Variants in PDZRN4 observed in about 807,000 individuals in gnomAD.
PDZRN4 encodes the protein PDZ domain-containing RING finger protein 4.
In PDZRN4, 70 loss-of-function variants were observed where a neutral mutation model predicts 99.0. The ratio of observed to expected loss-of-function variants is 0.71; its 90% CI spans 0.58 to 0.86. The LOEUF (loss-of-function observed/expected upper bound fraction) is 0.86, where lower values mean the gene tolerates loss of function less well. PDZRN4 is among the 40% of genes least tolerant of loss of function. PDZRN4 has a pLI of 0.00. For synonymous variants in PDZRN4, 551 were observed against 501.6 expected (o/e 1.10, Z -1.32); for missense variants, 1,474 against 1,331.2 (o/e 1.11, Z -1.67).
intron 3 of PDZRN4, among the ~76,000 whole-genome samples, chr12:41,385,221 G>A (rs761371573): frequency 5.9e-5 from 9 of 152,280 alleles, no homozygotes; most frequent in South Asian, 4.1e-4. Context: ...TTCTGGGGAG[G>A]AGTTGCACAA....
chr12:41,506,811 T>C lies in PDZRN4; in HGVS notation c.1100+99T>C, dbSNP rs555131113. The C allele has an allele frequency of 6.9e-5, 92 of 1,341,280 alleles. 1 individual carries two copies. In the African/African-American group the frequency reaches 1.0e-3, roughly 15 times the overall value. 83.1% of individuals were successfully genotyped at this position (1,341,280 alleles called of 1,614,324 possible). A position where few individuals can be genotyped will look rare whatever the true frequency, so the allele number is the denominator to read the frequency against. On this transcript the variant is annotated intron_variant, in intron 4 of 9. Coordinates refer to ENST00000402685, the MANE Select transcript of PDZRN4 (RefSeq NM_001164595.2). ...AGTTCCACTAGCAGGTTGACAGTTA[T>C]GGAGACAGGCTTCCCAGCTCCGTTT... is the stretch of plus-strand genomic sequence containing the variant.
intron 3 of PDZRN4, among the ~76,000 whole-genome samples, chr12:41,465,144 C>T (rs552234125): frequency 6.6e-6 from 1 of 152,126 alleles, no homozygotes; most frequent in African/African-American, 2.4e-5. Context: ...ACTTTTTATC[C>T]CCTAAGACAG....
intron 3 of PDZRN4, among the ~76,000 whole-genome samples, chr12:41,195,588 A>G (rs1269414082): frequency 6.6e-6 from 1 of 152,152 alleles, no homozygotes; most frequent in Non-Finnish European, 1.5e-5. Flanking sequence ...GAAAAAAAAG[A>G]AGAGTTATCT....
intron 3 of PDZRN4, among the ~76,000 whole-genome samples, chr12:41,310,429 T>C (rs976607523): frequency 2.0e-5 from 3 of 152,180 alleles, no homozygotes; most frequent in Non-Finnish European, 4.4e-5. Flanking sequence ...CCTTTTTTTT[T>C]CACCTTGTGA....
chr12:41,471,829 TGTA>T (rs754399876), intron 3 of PDZRN4, among the ~76,000 whole-genome samples: 81 of 151,868 alleles, frequency 5.3e-4, no homozygotes, highest in Middle Eastern at 3.4e-3. Flanking sequence ...AAAATTTCTT[TGTA>T]GAAGTCAATT....
At chr12:41,519,258 T>G (rs1291077645) in intron 5 of PDZRN4, among the ~76,000 whole-genome samples, 1 of 152,078 alleles carries the variant, frequency 6.6e-6, no homozygotes, top group African/African-American at 2.4e-5. Flanking sequence ...CCTCATCAGC[T>G]GCACAATTCT....
chr12:41,218,148 T>C (rs1263129485), intron 3 of PDZRN4, among the ~76,000 whole-genome samples: 4 of 152,116 alleles, frequency 2.6e-5, no homozygotes, highest in Non-Finnish European at 5.9e-5. Context: ...AAAGCAGTGA[T>C]CTTTCTTTCA....
intron 3 of PDZRN4, among the ~76,000 whole-genome samples, chr12:41,230,579 A>G (rs1415959159): frequency 6.6e-6 from 1 of 152,108 alleles, no homozygotes; most frequent in African/African-American, 2.4e-5. Context: ...TATACATGCA[A>G]TCTGTTAGAA....
At chr12:41,506,377 T>C in intron 3 of PDZRN4, 79 bp from the exon 4 acceptor site, 5 of 1,364,890 alleles carry the variant, frequency 3.7e-6, no homozygotes, top group Non-Finnish European at 5.0e-6. Context: ...GAAACCTTTC[T>C]CTCTGTCTTT....
rs533696414 is a variant in PDZRN4 at position 41,197,920 on chromosome 12, G to GTTTTTTTTTTTTTTTGTTTTT, written c.843+3743_843+3744insTTTTGTTTTTTTTTTTTTTTT. Among the ~76,000 whole-genome samples the GTTTTTTTTTTTTTTTGTTTTT allele has an allele frequency of 5.2e-4, 60 of 115,590 alleles. 3 individuals are homozygous for GTTTTTTTTTTTTTTTGTTTTT. The highest frequency in any genetic ancestry group is 9.0e-4 in the South Asian group (3 of 3,332). 75.8% of individuals were successfully genotyped at this position (115,590 alleles called of 152,430 possible). A position where few individuals can be genotyped will look rare whatever the true frequency, so the allele number is the denominator to read the frequency against. ...TTCTTCTTTTCCTTGTTTTTTCTGGGTTTTTTTTTTTGGAGACAGGATCTT... is the reference window on the plus strand; with the variant it reads ...TTCTTCTTTTCCTTGTTTTTTCTGGGTTTTTTTTTTTTTTTGTTTTTTTTTTTTTTTTGGAGACAGGATCTT... On this transcript the variant is annotated intron_variant, in intron 3 of 9. Transcript: ENST00000402685.
In PDZRN4 at chr12:41,188,780, GC is replaced by G; in HGVS notation, c.328del (p.Arg110AlafsTer118). 1 of 1,385,084 alleles carries G rather than the reference GC, an allele frequency of 7.2e-7. No homozygotes were observed. The highest frequency in any genetic ancestry group is 9.3e-7 in the Non-Finnish European group (1 of 1,077,334). The allele number at this position is 1,385,084 out of a possible 1,614,324, so 85.8% of individuals were successfully genotyped here. A position where few individuals can be genotyped will look rare whatever the true frequency, so the allele number is the denominator to read the frequency against. The stretch of plus-strand genomic sequence containing the variant: ...CGTCGAGCACTGCGACTTCGGCCCT[GC>G]CCGCCGGCTCCGCAGCCGCGGGGGC... The part of the protein sequence containing the change: ...AHVEHCDFGP[A>X]RRLRSRGGCA... On this transcript the variant is annotated frameshift_variant, in exon 1 of 10. Transcript: ENST00000402685. LOFTEE classifies it high-confidence loss of function.
chr12:41,315,258 C>T (rs1417282170), intron 3 of PDZRN4, among the ~76,000 whole-genome samples: 1 of 152,102 alleles, frequency 6.6e-6, no homozygotes, highest in Non-Finnish European at 1.5e-5. Flanking sequence ...CAATGAAAAC[C>T]TCCTCTGCTG....
intron 3 of PDZRN4, among the ~76,000 whole-genome samples, chr12:41,267,046 A>C (rs1316607732): frequency 1.3e-5 from 2 of 152,192 alleles, no homozygotes; most frequent in Admixed American, 1.3e-4. Flanking sequence ...AACTCTGCTC[A>C]TGAAACTCTT....
At chr12:41,433,252 G>C (rs1952599917) in intron 3 of PDZRN4, among the ~76,000 whole-genome samples, 1 of 152,006 alleles carries the variant, frequency 6.6e-6, no homozygotes, top group African/African-American at 2.4e-5. Flanking sequence ...ATCAAATAAA[G>C]ACATGTTCGT....
rs1297475875 is a variant in PDZRN4, at chr12:41,381,715, TAGTC to T, written c.844-124737_844-124734del. The stretch of plus-strand genomic sequence containing the variant: ...TAAAGGGTTTTTCTTGATTCTTTGT[TAGTC>T]AGTTCATACATCTCCATTTCTTTAG... On this transcript the variant is annotated intron_variant, in intron 3 of 9. Transcript: ENST00000402685. Among the ~76,000 whole-genome samples, 4 of 152,316 alleles carry T rather than the reference TAGTC, an allele frequency of 2.6e-5. No homozygotes were observed. In the East Asian group the frequency reaches 7.7e-4, roughly 29 times the overall value.
chr12:41,259,085 C>G (rs529000870), intron 3 of PDZRN4, among the ~76,000 whole-genome samples: 2 of 152,030 alleles, frequency 1.3e-5, no homozygotes, highest in South Asian at 2.1e-4. Context: ...ATAAAAGACA[C>G]GGGAAGCAAA....
chr12:41,224,926 C>T (rs1051304102), intron 3 of PDZRN4, among the ~76,000 whole-genome samples: 1 of 151,990 alleles, frequency 6.6e-6, no homozygotes, highest in Non-Finnish European at 1.5e-5. Context: ...CTAACACTGC[C>T]CCATCCTACT....
chr12:41,324,443 A>G lies in PDZRN4; in HGVS notation c.843+130255A>G, dbSNP rs74079528. On this transcript the variant is annotated intron_variant, in intron 3 of 9. Transcript: ENST00000402685. ...CATTATGAAAGAGCAGAAATTATACAATTTATATGAAAAGCACATTTTAAT... is the reference window on the plus strand; with the variant it reads ...CATTATGAAAGAGCAGAAATTATACGATTTATATGAAAAGCACATTTTAAT... Among the ~76,000 whole-genome samples the G allele has an allele frequency of 2.7e-3, 415 of 152,200 alleles. 1 individual carries two copies. Among genetic ancestry groups the G allele is most frequent in the African/African-American group, 9.6e-3 (401 of 41,572 alleles).
intron 3 of PDZRN4, among the ~76,000 whole-genome samples, chr12:41,422,407 A>T (rs1952497415): frequency 6.6e-6 from 1 of 151,932 alleles, no homozygotes; most frequent in East Asian, 1.9e-4. Context: ...TTATAGTAAA[A>T]CTCCACTAGA....
Sources: allele counts gnomAD v4.1 joint callset (sites outside exome capture counted in the v4.1 genomes callset), GRCh38; gene constraint gnomAD v4.1.1; transcripts MANE v1.5; gene names NCBI Gene and HGNC (gene_info 2026-07-23, HGNC 2026-07-21).